Variants in OLFM2 observed in about 807,000 individuals in gnomAD.
OLFM2 encodes the protein noelin-2.
A neutral mutation model predicts 43.9 loss-of-function variants in OLFM2; 20 were observed. The ratio of observed to expected loss-of-function variants is 0.46; its 90% confidence interval spans 0.32 to 0.66. OLFM2 has a LOEUF of 0.66. OLFM2 is among the 30% of genes least tolerant of loss of function. The pLI is 0.04. For missense variants in OLFM2, 416 were observed against 643.6 expected, an observed-to-expected ratio of 0.65 and a Z score of 3.83; for synonymous variants, 268 against 278.6, an observed-to-expected ratio of 0.96 and a Z score of 0.38.
rs529691893 is a variant in OLFM2, at chr19:9,918,635, T to G, written c.63+17669A>C. On this transcript the variant is annotated intron_variant, in intron 1 of 5. Transcript: ENST00000264833. ...ATCCAAAGACCCATCAACTGGTGAG[T>G]GAATAAACAAATTGCGGTACATCCA... 9.9e-5 allele frequency among the ~76,000 whole-genome samples: 15 copies of G among 152,184 alleles called. 1 individual carries two copies. In the South Asian group the frequency reaches 3.1e-3, roughly 32 times the overall value.
intron 1 of OLFM2, among the ~76,000 whole-genome samples, chr19:9,900,111 T>A (rs2046718561): frequency 6.6e-6 from 1 of 152,100 alleles, no homozygotes; most frequent in African/African-American, 2.4e-5. Flanking sequence ...TCCCCTGCAT[T>A]CCTTACATAA....
At chr19:9,903,525 T>G (rs2046758295) in intron 1 of OLFM2, among the ~76,000 whole-genome samples, 1 of 152,202 alleles carries the variant, frequency 6.6e-6, no homozygotes. Context: ...TACGCTCCTT[T>G]CAGGAGGAAC....
intron 1 of OLFM2, among the ~76,000 whole-genome samples, chr19:9,878,129 C>T (rs1017627498): frequency 6.6e-6 from 1 of 152,140 alleles, no homozygotes; most frequent in Admixed American, 6.6e-5. Flanking sequence ...GGATTACAGG[C>T]GTGAGCCACC....
At chr19:9,890,928 T>C (rs1435367662) in intron 1 of OLFM2, among the ~76,000 whole-genome samples, 1 of 151,922 alleles carries the variant, frequency 6.6e-6, no homozygotes, top group Non-Finnish European at 1.5e-5. Context: ...CACTCCAGCC[T>C]GGGCACAGAG....
intron 1 of OLFM2, among the ~76,000 whole-genome samples, chr19:9,909,199 C>A (rs2046808337): frequency 2.0e-5 from 3 of 152,260 alleles, no homozygotes; most frequent in African/African-American, 7.2e-5. Context: ...AGCAAAAGGT[C>A]CCCCTCAAAT....
At chr19:9,868,350 C>T (rs1192776831) in intron 1 of OLFM2, among the ~76,000 whole-genome samples, 1 of 152,152 alleles carries the variant, frequency 6.6e-6, no homozygotes, top group African/African-American at 2.4e-5. Context: ...GTGTGAGCCA[C>T]CACGCCTGGC....
intron 1 of OLFM2, chr19:9,913,863 C>T (rs2046852214): frequency 2.7e-5 from 5 of 185,994 alleles, no homozygotes; most frequent in Non-Finnish European, 4.0e-5. Flanking sequence ...CCTCCCGCGC[C>T]TCCGCGCCGG....
intron 1 of OLFM2, among the ~76,000 whole-genome samples, chr19:9,881,888 C>A (rs556021399): frequency 2.0e-5 from 3 of 152,218 alleles, no homozygotes; most frequent in African/African-American, 7.2e-5. Flanking sequence ...CTTAAAAAAA[C>A]CCCACCTCCA....
chr19:9,893,790 A>G (rs762215507), intron 1 of OLFM2, among the ~76,000 whole-genome samples: 1 of 152,162 alleles, frequency 6.6e-6, no homozygotes, highest in Non-Finnish European at 1.5e-5. Flanking sequence ...TCATTAAAGC[A>G]GAGTTCGCAG....
At chr19:9,919,316 A>G (rs546956598) in intron 1 of OLFM2, among the ~76,000 whole-genome samples, 6 of 151,500 alleles carry the variant, frequency 4.0e-5, no homozygotes, top group South Asian at 2.1e-4. Flanking sequence ...ACAGGCGCCT[A>G]CCACCACGCC....
intron 1 of OLFM2, among the ~76,000 whole-genome samples, chr19:9,932,069 C>T (rs1020988947): frequency 2.2e-4 from 34 of 152,250 alleles, no homozygotes; most frequent in African/African-American, 7.9e-4. Context: ...ACTGGAGAAA[C>T]AACAAAGCTA....
intron 1 of OLFM2, among the ~76,000 whole-genome samples, chr19:9,935,167 G>A (rs1221304499): frequency 6.6e-6 from 1 of 152,172 alleles, no homozygotes; most frequent in African/African-American, 2.4e-5. Context: ...AGGAGGCAGA[G>A]GGGGTTAAAT....
At position 9,898,519 on chromosome 19, in the gene OLFM2, C is replaced by CAA. The variant is rs990262776; in HGVS notation, c.64-37727_64-37726dup. Among the ~76,000 whole-genome samples, 236 of 137,848 alleles carry CAA rather than the reference C, an allele frequency of 1.7e-3. 3 individuals are homozygous for CAA. Among genetic ancestry groups the CAA allele is most frequent in the Admixed American group, 0.014 (199 of 13,732 alleles). 90.4% of individuals were successfully genotyped at this position (137,848 alleles called of 152,430 possible). On this transcript the variant is annotated intron_variant, in intron 1 of 5. Transcript: ENST00000264833. Reference sequence around the variant, plus strand: ...CCTGAGCAACAATGAGACTCCGTCTCAAAAAAAAAAAAAATTTTTTTGTGT... The same window carrying CAA: ...CCTGAGCAACAATGAGACTCCGTCTCAAAAAAAAAAAAAAAATTTTTTTGTGT...
At chr19:9,886,720 GT>G (rs1483652818) in intron 1 of OLFM2, among the ~76,000 whole-genome samples, 1 of 141,922 alleles carries the variant, frequency 7.0e-6, no homozygotes, top group Non-Finnish European at 1.6e-5. Context: ...CATTCATCTC[GT>G]TTCTTTTTCT....
intron 1 of OLFM2, among the ~76,000 whole-genome samples, chr19:9,927,436 C>T (rs55920260): frequency 0.024 from 3,628 of 152,252 alleles, 111 homozygotes; most frequent in Middle Eastern, 0.082. Context: ...ACCCTAGTTC[C>T]CATTTCCAGA....
intron 1 of OLFM2, among the ~76,000 whole-genome samples, chr19:9,919,608 A>C (rs1414251346): frequency 1.3e-5 from 2 of 151,752 alleles, no homozygotes; most frequent in African/African-American, 2.4e-5. Flanking sequence ...CAGCCTCCTG[A>C]GTAGCTGGGA....
intron 2 of OLFM2, chr19:9,858,296 G>T (rs546710078): frequency 7.1e-6 from 2 of 280,378 alleles, no homozygotes; most frequent in South Asian, 3.3e-5. Flanking sequence ...CCTTCTGCAG[G>T]GTCTTTGCAC....
At chr19:9,895,958 G>C (rs2046679393) in intron 1 of OLFM2, among the ~76,000 whole-genome samples, 1 of 152,114 alleles carries the variant, frequency 6.6e-6, no homozygotes, top group Non-Finnish European at 1.5e-5. Context: ...AACCATATTG[G>C]TGGATTCCTT....
At chr19:9,895,494 C>CAAAT (rs57907212) in intron 1 of OLFM2, among the ~76,000 whole-genome samples, 61 of 150,616 alleles carry the variant, frequency 4.1e-4, no homozygotes, top group African/African-American at 9.7e-4. Flanking sequence ...GACCCTGTCT[C>CAAAT]AAATAAATAA....
Sources: allele counts gnomAD v4.1 joint callset (sites outside exome capture counted in the v4.1 genomes callset), GRCh38; gene constraint gnomAD v4.1.1; transcripts MANE v1.5; gene names NCBI Gene and HGNC (gene_info 2026-07-23, HGNC 2026-07-21).